Variants in SNTG1 observed in about 807,000 individuals in gnomAD.
The protein encoded by SNTG1 is syntrophin gamma 1, also known as gamma-1-syntrophin.
A neutral mutation model predicts 74.7 loss-of-function variants in SNTG1; 39 were observed. The observed-to-expected ratio is 0.52, with a 90% confidence interval of 0.40 to 0.68. The LOEUF is 0.68. Ranked by LOEUF, SNTG1 falls within the 30% of genes least tolerant of loss-of-function variation. The pLI, the probability that SNTG1 is intolerant of heterozygous loss-of-function variation, is 0.00. For missense variants in SNTG1, 685 were observed against 609.5 expected (o/e 1.12, Z -1.30); for synonymous variants, 254 against 217.1 (o/e 1.17, Z -1.49).
At chr8:50,552,594 A>G (rs1393539803) in intron 11 of SNTG1, among the ~76,000 whole-genome samples, 2 of 152,204 alleles carry the variant, frequency 1.3e-5, no homozygotes, top group Admixed American at 1.3e-4. Flanking sequence ...TCATGTTATC[A>G]TCTAGTGACT....
chr8:50,435,780 G>A (rs887384031), intron 4 of SNTG1, among the ~76,000 whole-genome samples: 4 of 152,136 alleles, frequency 2.6e-5, no homozygotes, highest in Non-Finnish European at 4.4e-5. Context: ...AAAACATTAA[G>A]ATAAGTGCTG....
chr8:50,083,269 G>C (rs1280717201), intron 1 of SNTG1, among the ~76,000 whole-genome samples: 3 of 152,088 alleles, frequency 2.0e-5, no homozygotes, highest in Admixed American at 6.5e-5. Flanking sequence ...GTTCAATTTT[G>C]CAGTTGATTT....
At chr8:50,442,425 T>C (rs1331123864) in intron 5 of SNTG1, among the ~76,000 whole-genome samples, 2 of 152,032 alleles carry the variant, frequency 1.3e-5, no homozygotes, top group African/African-American at 4.8e-5. Context: ...CCTCTCTTAT[T>C]AGAACCCTTC....
At chr8:50,757,832 C>T (rs1180089510) in intron 18 of SNTG1, among the ~76,000 whole-genome samples, 1 of 151,880 alleles carries the variant, frequency 6.6e-6, no homozygotes, top group Non-Finnish European at 1.5e-5. Context: ...ATTAGCACAA[C>T]AGTTATATAT....
intron 1 of SNTG1, among the ~76,000 whole-genome samples, chr8:50,091,978 C>T (rs2079755883): frequency 1.3e-5 from 2 of 151,970 alleles, no homozygotes; most frequent in African/African-American, 4.8e-5. Flanking sequence ...AACGCCCAGT[C>T]TAAAAAAAAC....
At chr8:50,556,250 T>G (rs2094454929) in intron 12 of SNTG1, among the ~76,000 whole-genome samples, 1 of 152,172 alleles carries the variant, frequency 6.6e-6, no homozygotes, top group Admixed American at 6.6e-5. Context: ...TTAAGCTGTA[T>G]TGGCACAGCT....
chr8:50,376,185 A>T (rs764246088), intron 2 of SNTG1, among the ~76,000 whole-genome samples: 1 of 152,116 alleles, frequency 6.6e-6, no homozygotes, highest in African/African-American at 2.4e-5. Context: ...CAGCTCAACA[A>T]ACCTTCCTAT....
At chr8:50,783,208 AC>A (rs2095665101) in intron 18 of SNTG1, among the ~76,000 whole-genome samples, 1 of 152,158 alleles carries the variant, frequency 6.6e-6, no homozygotes, top group Non-Finnish European at 1.5e-5. Flanking sequence ...TGCTTGGAGA[AC>A]CACTGCTCTC....
intron 1 of SNTG1, among the ~76,000 whole-genome samples, chr8:49,951,031 T>C (rs1201201502): frequency 2.6e-5 from 4 of 152,238 alleles, no homozygotes; most frequent in Non-Finnish European, 5.9e-5. Context: ...CATAAAACCC[T>C]TACAATCTTA....
intron 12 of SNTG1, among the ~76,000 whole-genome samples, chr8:50,579,330 GAGCATAA>G (rs2094595298): frequency 6.6e-6 from 1 of 152,160 alleles, no homozygotes; most frequent in Non-Finnish European, 1.5e-5. Context: ...AGAGGAATCA[GAGCATAA>G]ATGTTTGGAA....
chr8:50,630,341 A>C (rs923855743), intron 13 of SNTG1, among the ~76,000 whole-genome samples: 1 of 152,214 alleles, frequency 6.6e-6, no homozygotes, highest in Non-Finnish European at 1.5e-5. Context: ...TGCAGCAATC[A>C]TATGCCTTGA....
intron 17 of SNTG1, among the ~76,000 whole-genome samples, chr8:50,731,070 A>C (rs1159116279): frequency 1.3e-5 from 2 of 152,168 alleles, no homozygotes; most frequent in African/African-American, 4.8e-5. Flanking sequence ...TTATAAGTAG[A>C]ATATAAAATT....
chr8:50,722,391 A>C (rs932679521), intron 17 of SNTG1, among the ~76,000 whole-genome samples: 29 of 151,770 alleles, frequency 1.9e-4, no homozygotes, highest in Admixed American at 7.2e-4. Flanking sequence ...GGCCAGGCTG[A>C]TTCTGAACTC....
chr8:50,484,614 C>T (rs1209616362), intron 8 of SNTG1, among the ~76,000 whole-genome samples: 8 of 150,932 alleles, frequency 5.3e-5, no homozygotes, highest in Non-Finnish European at 1.0e-4. Context: ...AATCCTAGCA[C>T]TTTGGGAGGC....
chr8:50,771,284 C>T (rs73677514), intron 18 of SNTG1, among the ~76,000 whole-genome samples: 3,033 of 152,070 alleles, frequency 0.02, 99 homozygotes, highest in African/African-American at 0.066. Flanking sequence ...GACCAAAATG[C>T]CATTAGAAAT....
At position 50,463,377 on chromosome 8, in the gene SNTG1, C is replaced by A. The variant is rs527717201; in HGVS notation, c.363+12648C>A. ...GGAATCACTATTTTTGGAGCTATCA[C>A]CTTACGAAATGTATTTCCTAATAAC... On this transcript the variant is annotated intron_variant, in intron 8 of 18. Transcript: ENST00000642720. Among the ~76,000 whole-genome samples, 5 of 152,266 alleles carry A rather than the reference C, an allele frequency of 3.3e-5. No individual in the cohort carries two copies. In the South Asian group the frequency reaches 1.0e-3, roughly 32 times the overall value.
intron 1 of SNTG1, among the ~76,000 whole-genome samples, chr8:50,053,142 G>A (rs1341593810): frequency 6.6e-6 from 1 of 152,090 alleles, no homozygotes; most frequent in African/African-American, 2.4e-5. Context: ...GGTCATAGTG[G>A]AATTACGCAC....
At chr8:50,103,234 A>T (rs533031743) in intron 1 of SNTG1, among the ~76,000 whole-genome samples, 1 of 152,034 alleles carries the variant, frequency 6.6e-6, no homozygotes, top group South Asian at 2.1e-4. Context: ...CTTTTATTTC[A>T]TTGAGCAGTG....
chr8:50,507,686 C>CT (rs60545114), intron 9 of SNTG1, among the ~76,000 whole-genome samples: 4 of 151,384 alleles, frequency 2.6e-5, no homozygotes, highest in East Asian at 3.9e-4. Flanking sequence ...TATTTCATTT[C>CT]TTTTTTTTTA....
Sources: gnomAD v4.1 joint callset for allele counts (sites outside exome capture counted in the v4.1 genomes callset) on GRCh38, gnomAD v4.1.1 for gene constraint, MANE v1.5 for transcripts, NCBI Gene and HGNC (gene_info 2026-07-23, HGNC 2026-07-21) for gene names.